WNT5B: variants seen among roughly 807,000 people sequenced by gnomAD.
WNT5B encodes protein Wnt-5b.
Under a neutral mutation model 36.5 loss-of-function variants are expected in WNT5B, and 18 were observed. The ratio of observed to expected loss-of-function variants is 0.49; its 90% CI spans 0.34 to 0.73. The LOEUF is 0.73. Ranked by LOEUF, WNT5B falls within the 30% of genes least tolerant of loss-of-function variation. The pLI, the probability that WNT5B is intolerant of heterozygous loss-of-function variation, is 0.01. For synonymous variants in WNT5B, 213 were observed against 212.3 expected (o/e 1.00, Z -0.03); for missense variants, 424 against 508.4 (o/e 0.83, Z 1.60).
chr12:1,632,215 C>T lies in WNT5B; in HGVS notation c.81-443C>T, dbSNP rs376696364. Among the ~76,000 whole-genome samples, 23 of 152,230 alleles carry T rather than the reference C, an allele frequency of 1.5e-4. No homozygotes were observed. The East Asian group carries it at 2.3e-3, about 15-fold the overall frequency. ...CTTGGGCTGCACTGAACTAGTCACT[C>T]CTACTCATTGAATGAGGCCTGTGCT... is the stretch of plus-strand genomic sequence containing the variant. On this transcript the variant is annotated intron_variant, in intron 2 of 4. Coordinates refer to ENST00000397196, the MANE Select transcript of WNT5B (RefSeq NM_032642.3). This position sits in a 1 kb window ranked among gnomAD's most constrained non-coding sequence, Gnocchi z 5.8.
intron 1 of WNT5B, among the ~76,000 whole-genome samples, chr12:1,623,183 T>C (rs2094536211): frequency 7.5e-6 from 1 of 132,604 alleles, no homozygotes; most frequent in Non-Finnish European, 1.6e-5. Flanking sequence ...AAGGGTTTTT[T>C]GTTGTTTTTT....
Position 1,632,540 on chromosome 12 carries a change from C to A in WNT5B, c.81-118C>A. The A allele has an allele frequency of 1.4e-6, 2 of 1,419,048 alleles. No individual in the cohort carries two copies. The highest frequency in any genetic ancestry group is 1.9e-6 in the Non-Finnish European group (2 of 1,056,562). The allele number at this position is 1,419,048 out of a possible 1,614,324, so 87.9% of individuals were successfully genotyped here. A position where few individuals can be genotyped will look rare whatever the true frequency, so the allele number is the denominator to read the frequency against. Reference sequence around the variant, plus strand: ...ACTCTGATTTACTAATTTTTCTTTCCAGGGCCTTGTACACAGGGACGCATT... The same window carrying A: ...ACTCTGATTTACTAATTTTTCTTTCAAGGGCCTTGTACACAGGGACGCATT... On this transcript the variant is annotated intron_variant, in intron 2 of 4. Transcript: ENST00000397196. The surrounding 1 kb of genome is among the most constrained non-coding windows in gnomAD (Gnocchi z 5.8).
chr12:1,641,430 C>T (rs564264104), intron 4 of WNT5B, among the ~76,000 whole-genome samples: 5 of 150,504 alleles, frequency 3.3e-5, no homozygotes, highest in South Asian at 4.2e-4. Context: ...AGAAGTTTAA[C>T]GGTGGCACCC....
intron 3 of WNT5B, among the ~76,000 whole-genome samples, chr12:1,634,848 G>C (rs1426143010): frequency 6.6e-6 from 1 of 152,206 alleles, no homozygotes; most frequent in Non-Finnish European, 1.5e-5. Flanking sequence ...AGGGAGTTTG[G>C]AGGCAACTTG....
intron 1 of WNT5B, 65 bp from the exon 2 acceptor site, chr12:1,631,233 C>T: frequency 6.9e-7 from 1 of 1,453,408 alleles, no homozygotes. Context: ...CCGCCTCACC[C>T]CGGCTCCTGG....
At chr12:1,628,165 T>C (rs2094543852), upstream of WNT5B, among the ~76,000 whole-genome samples, 1 of 151,980 alleles carries the variant, frequency 6.6e-6, no homozygotes, top group Non-Finnish European at 1.5e-5. Context: ...TCCCACTTTT[T>C]TTTTTTTTTG....
At chr12:1,626,777 G>T (rs1843633756), upstream of WNT5B, among the ~76,000 whole-genome samples, 1 of 151,336 alleles carries the variant, frequency 6.6e-6, no homozygotes, top group Non-Finnish European at 1.5e-5. Flanking sequence ...GTGTTAGCCA[G>T]GATGGTCTCG....
Position 1,632,813 on chromosome 12 carries a change from G to T in WNT5B, c.236G>T (p.Gly79Val). 6.2e-7 allele frequency: 1 copy of T among 1,614,192 alleles called. No homozygotes were observed. Among genetic ancestry groups the T allele is most frequent in the South Asian group, 1.1e-5 (1 of 91,084 alleles). The change falls in exon 3 of 5, where the codon GGC (glycine) becomes GTC (valine). Residue 79 changes from glycine to valine, a missense_variant. By Grantham distance (109) the Gly-to-Val change is moderately radical (BLOSUM62 -3). Coordinates refer to ENST00000397196, the MANE Select transcript of WNT5B (RefSeq NM_032642.3). The surrounding 1 kb of genome is among the most constrained non-coding windows in gnomAD (Gnocchi z 5.8). ...TACATAGGGGAGGGAGCCAAGACTG[G>T]CATCAAGGAATGCCAGCACCAGTTC... The part of the protein sequence containing the change: ...MAYIGEGAKT[G>V]IKECQHQFRQ...
Position 1,632,713 on chromosome 12 carries a change from C to T in WNT5B, c.136C>T (p.Pro46Ser). Reference sequence around the variant, plus strand: ...CGAGATGTTTATCATCGGTGCCCAGCCCGTGTGCAGTCAGCTTCCCGGGCT... The same window carrying T: ...CGAGATGTTTATCATCGGTGCCCAGTCCGTGTGCAGTCAGCTTCCCGGGCT... ...RPEMFIIGAQ[P>S]VCSQLPGLSP... The change falls in exon 3 of 5, where the codon CCC (proline) becomes TCC (serine). Residue 46 changes from proline (P) to serine (S), a missense_variant. Transcript: ENST00000397196. This position sits in a 1 kb window ranked among gnomAD's most constrained non-coding sequence, Gnocchi z 5.8. The T allele has an allele frequency of 1.2e-6, 2 of 1,613,560 alleles. No individual in the cohort carries two copies. Among genetic ancestry groups the T allele is most frequent in the East Asian group, 2.2e-5 (1 of 44,858 alleles).
chr12:1,639,791 A>T lies in WNT5B; in HGVS notation c.436A>T (p.Thr146Ser). 2.5e-6 allele frequency: 4 copies of T among 1,611,600 alleles called. No homozygotes were observed. The highest frequency in any genetic ancestry group is 3.4e-6 in the Non-Finnish European group (4 of 1,178,966). Residue 146 changes from threonine to serine, a missense_variant, in exon 4 of 5, where the codon ACG becomes TCG. By Grantham distance (58) the Thr-to-Ser change is moderately conservative. Transcript: ENST00000397196. ...GCTCTCCACCTGCGGCTGCAGCCGG[A>T]CGGCGCGGCCCAAGGACCTGCCCCG... ...GELSTCGCSR[T>S]ARPKDLPRDW...
upstream of WNT5B, among the ~76,000 whole-genome samples, chr12:1,625,119 C>T (rs570524904): frequency 6.6e-6 from 1 of 152,094 alleles, no homozygotes; most frequent in Non-Finnish European, 1.5e-5. Flanking sequence ...GAAAAGGAGA[C>T]TTCATGTTGG....
At chr12:1,634,795 G>C (rs530935303) in intron 3 of WNT5B, among the ~76,000 whole-genome samples, 32 of 152,288 alleles carry the variant, frequency 2.1e-4, no homozygotes, top group Non-Finnish European at 4.4e-4. Context: ...GAGGGCGGCA[G>C]AGCAGCTCGG....
At chr12:1,641,990 A>G (rs1214933876) in intron 4 of WNT5B, among the ~76,000 whole-genome samples, 2 of 152,194 alleles carry the variant, frequency 1.3e-5, no homozygotes, top group Non-Finnish European at 2.9e-5. Context: ...AGTGGGTTAT[A>G]TGCCCAGGGT....
intron 1 of WNT5B, among the ~76,000 whole-genome samples, chr12:1,622,620 C>A (rs560244541): frequency 6.6e-6 from 1 of 152,180 alleles, no homozygotes; most frequent in Non-Finnish European, 1.5e-5. Flanking sequence ...GAGAGGCTGG[C>A]CTTCGTGGCC....
At chr12:1,629,564 G>A (rs1225673341) in intron 1 of WNT5B, among the ~76,000 whole-genome samples, 193 bp downstream of exon 1, 2 of 152,054 alleles carry the variant, frequency 1.3e-5, no homozygotes, top group Non-Finnish European at 2.9e-5. Context: ...GGCTGGAGAA[G>A]CAGGAGGGCA....
chr12:1,635,314 C>T (rs1275241178), intron 3 of WNT5B, among the ~76,000 whole-genome samples: 1 of 152,228 alleles, frequency 6.6e-6, no homozygotes, highest in Non-Finnish European at 1.5e-5. Flanking sequence ...GCTGATTCAA[C>T]TCTGAAAAGC....
Position 1,646,420 on chromosome 12 carries a change from T to G in WNT5B, c.*168T>G. ...TTATTTAAGAGACGCTGGAGATCTC[T>G]GAGGAGTGGACTTTGCTGGTTCTCT... On this transcript the variant is annotated 3_prime_UTR_variant, in exon 5 of 5. Transcript: ENST00000397196. 1 of 545,200 alleles carries G rather than the reference T, an allele frequency of 1.8e-6. No homozygotes were observed. The allele number at this position is 545,200 out of a possible 1,614,324, so 33.8% of individuals were successfully genotyped here.
Position 1,645,940 on chromosome 12 carries a change from C to T in WNT5B, c.768C>T (p.Arg256=), listed in dbSNP as rs1242901894. 34 of 1,610,210 alleles carry T rather than the reference C, an allele frequency of 2.1e-5. No individual in the cohort carries two copies. The highest frequency in any genetic ancestry group is 2.6e-5 in the Non-Finnish European group (31 of 1,179,842). Residue 256 remains arginine, a synonymous_variant, in exon 5 of 5, where the codon CGC becomes CGT. Coordinates refer to ENST00000397196, the MANE Select transcript of WNT5B (RefSeq NM_032642.3). The part of the protein sequence containing the change: ...KEKYDSAAAM[R]VTRKGRLELV... ...AGTACGACAGCGCGGCCGCCATGCG[C>T]GTCACCCGCAAGGGCCGGCTGGAGC...
chr12:1,629,063 T>C (rs1192538337), upstream of WNT5B: 1 of 150,430 alleles, frequency 6.6e-6, no homozygotes, highest in Non-Finnish European at 1.5e-5. Flanking sequence ...AAAAAAACAT[T>C]TTTAATGGGC....
Sources: allele counts gnomAD v4.1 joint callset (sites outside exome capture counted in the v4.1 genomes callset), GRCh38; gene constraint gnomAD v4.1.1; non-coding constraint Gnocchi (gnomAD v3.1); transcripts MANE v1.5; gene names NCBI Gene and HGNC (gene_info 2026-07-23, HGNC 2026-07-21).